MCMBP: variants seen among roughly 807,000 people sequenced by gnomAD.
MCMBP encodes the protein minichromosome maintenance complex binding protein, also known as mini-chromosome maintenance complex-binding protein.
A neutral mutation model predicts 81.3 loss-of-function variants in MCMBP; 31 were observed. That is an observed-to-expected ratio of 0.38 (90% CI 0.29 to 0.51). The LOEUF (loss-of-function observed/expected upper bound fraction) is 0.51, where lower values mean the gene tolerates loss of function less well. Among genes scored for constraint, MCMBP ranks in the 20% least tolerant of loss-of-function variants. The probability of loss-of-function intolerance (pLI) is 0.87; values close to 1 mark genes in which losing one functional copy is unlikely to be tolerated. For synonymous variants in MCMBP, 267 were observed against 275.9 expected (o/e 0.97, Z 0.32); for missense variants, 645 against 772.1 (o/e 0.84, Z 1.95).
At chr10:119,834,269 C>T (rs1484915747) in intron 14 of MCMBP, among the ~76,000 whole-genome samples, 2 of 152,172 alleles carry the variant, frequency 1.3e-5, no homozygotes, top group East Asian at 3.9e-4. Flanking sequence ...AGGATAAACT[C>T]AGAGATCCAC....
chr10:119,844,127 T>C (rs2134357788), intron 8 of MCMBP, among the ~76,000 whole-genome samples: 1 of 152,344 alleles, frequency 6.6e-6, no homozygotes, highest in South Asian at 2.1e-4. Context: ...CCATCTGGTA[T>C]CTATTATTCA....
At chr10:119,833,794 G>T (rs1360982066) in intron 14 of MCMBP, among the ~76,000 whole-genome samples, 2 of 152,040 alleles carry the variant, frequency 1.3e-5, no homozygotes, top group African/African-American at 2.4e-5. Context: ...TAGACAAAAA[G>T]ACTCTAAATT....
chr10:119,863,976 AT>A (rs1853358100), intron 1 of MCMBP, among the ~76,000 whole-genome samples: 1 of 151,750 alleles, frequency 6.6e-6, no homozygotes, highest in South Asian at 2.1e-4. Flanking sequence ...AAGGTAGCAG[AT>A]GGAATTAAGG....
intron 6 of MCMBP, among the ~76,000 whole-genome samples, 184 bp from the exon 7 acceptor site, chr10:119,849,760 CAAAGAT>C (rs1450712533): frequency 3.9e-5 from 6 of 152,092 alleles, no homozygotes; most frequent in Non-Finnish European, 5.9e-5. Context: ...TGTAAGAGGA[CAAAGAT>C]AAACATGAAG....
At chr10:119,847,759 G>C in intron 7 of MCMBP, 46 bp from the exon 8 acceptor site, 1 of 1,155,466 alleles carries the variant, frequency 8.7e-7, no homozygotes. Flanking sequence ...CAGACACAAA[G>C]CTTAAGATAT....
chr10:119,833,810 T>C (rs1460858472), intron 14 of MCMBP, among the ~76,000 whole-genome samples: 2 of 152,122 alleles, frequency 1.3e-5, no homozygotes, highest in Non-Finnish European at 2.9e-5. Flanking sequence ...AAATTGGCTA[T>C]TTTAAACATT....
In MCMBP at chr10:119,831,323, A is replaced by T. The variant is rs1790899727; in HGVS notation, c.*151T>A. ...GGTAAAAGTCCTTACTGAATATCAT[A>T]TAAACATCAGGTGTTACCAGGCTTG... is the stretch of plus-strand genomic sequence containing the variant. On this transcript the variant is annotated 3_prime_UTR_variant, in exon 16 of 16. Coordinates refer to ENST00000369077, the MANE Select transcript of MCMBP (RefSeq NM_001256378.2). 1 of 783,902 alleles carries T rather than the reference A, an allele frequency of 1.3e-6. No homozygotes were observed. The highest frequency in any genetic ancestry group is 1.9e-6 in the Non-Finnish European group (1 of 513,184). The allele number at this position is 783,902 out of a possible 1,614,324, so 48.6% of individuals were successfully genotyped here.
At chr10:119,842,382 A>AG (rs199810621) in intron 10 of MCMBP, 90 bp downstream of exon 10, 1 of 1,444,942 alleles carries the variant, frequency 6.9e-7, no homozygotes, top group Non-Finnish European at 9.4e-7. Context: ...CCCAATAAGG[A>AG]AAACACACAA....
chr10:119,829,944 TAAAG>T lies in MCMBP; in HGVS notation c.*1526_*1529del, dbSNP rs1851941281. 1 of 152,626 alleles carries T rather than the reference TAAAG, an allele frequency of 6.6e-6. No homozygotes were observed. The highest frequency in any genetic ancestry group is 2.4e-5 in the African/African-American group (1 of 41,460). The allele number at this position is 152,626 out of a possible 1,614,324, so 9.5% of individuals were successfully genotyped here. ...CTAATGTACTTTGCTCTAGGACAAT[TAAAG>T]AAAATGTATTTTATCCTCACAAATC... On this transcript the variant is annotated 3_prime_UTR_variant, in exon 16 of 16. Transcript: ENST00000369077.
chr10:119,848,454 A>C (rs1242813073), intron 7 of MCMBP, among the ~76,000 whole-genome samples: 1 of 152,108 alleles, frequency 6.6e-6, no homozygotes, highest in Admixed American at 6.6e-5. Flanking sequence ...TCTACAAAAA[A>C]TATAAAGAAC....
chr10:119,859,664 T>C (rs1434191936), intron 2 of MCMBP, 135 bp downstream of exon 2: 7 of 593,532 alleles, frequency 1.2e-5, no homozygotes, highest in Non-Finnish European at 1.7e-5. Flanking sequence ...CAAAATCTTT[T>C]AATACAAATG....
At chr10:119,863,101 T>C (rs774317676) in intron 1 of MCMBP, among the ~76,000 whole-genome samples, 5 of 152,242 alleles carry the variant, frequency 3.3e-5, no homozygotes, top group Non-Finnish European at 4.4e-5. Context: ...GTATAGCTTG[T>C]CTTTTCATGC....
chr10:119,831,993 A>G lies in MCMBP; in HGVS notation c.1796+19T>C. On this transcript the variant is annotated intron_variant, in intron 15 of 15. Transcript: ENST00000369077. ...ACACAAGCTTACCGAAACAGCAATAATGGACGTGCGCCACTTACCGAGCCA... is the reference window on the plus strand; with the variant it reads ...ACACAAGCTTACCGAAACAGCAATAGTGGACGTGCGCCACTTACCGAGCCA... 3 of 1,598,988 alleles carry G rather than the reference A, an allele frequency of 1.9e-6. No homozygotes were observed. Among genetic ancestry groups the G allele is most frequent in the Non-Finnish European group, 1.7e-6 (2 of 1,173,328 alleles).
intron 1 of MCMBP, among the ~76,000 whole-genome samples, chr10:119,861,235 C>CT (rs1274941515): frequency 6.6e-6 from 1 of 152,172 alleles, no homozygotes; most frequent in Non-Finnish European, 1.5e-5. Context: ...GTTTACTTAA[C>CT]TGGACAAGGG....
chr10:119,853,163 C>T lies in MCMBP; in HGVS notation c.461G>A (p.Ser154Asn). ...ACTAGGAGTGTAGGATGTTGAGGGA[C>T]TGACTCGAGCTTGGTTTGCATTAAC... The part of the protein sequence containing the change: ...AYVNANQARV[S>N]PSTSYTPSRH... Residue 154 changes from serine (S) to asparagine (N), a missense_variant, in exon 6 of 16, where the codon AGT becomes AAT. Coordinates refer to ENST00000369077, the MANE Select transcript of MCMBP (RefSeq NM_001256378.2). 6.2e-7 allele frequency: 1 copy of T among 1,614,044 alleles called. No individual in the cohort carries two copies. Among genetic ancestry groups the T allele is most frequent in the Non-Finnish European group, 8.5e-7 (1 of 1,179,958 alleles).
chr10:119,838,140 C>G (rs1366327853), intron 12 of MCMBP, among the ~76,000 whole-genome samples: 1 of 151,500 alleles, frequency 6.6e-6, no homozygotes, highest in Admixed American at 6.6e-5. Context: ...AGAACCCTTA[C>G]GACCCTCAAC....
upstream of MCMBP, among the ~76,000 whole-genome samples, chr10:119,873,197 G>A (rs1853778419): frequency 6.6e-6 from 1 of 152,182 alleles, no homozygotes; most frequent in Non-Finnish European, 1.5e-5. Flanking sequence ...AAAATTAGTG[G>A]GCGAAACCGC....
chr10:119,869,206 G>T (rs1218119039), intron 1 of MCMBP, among the ~76,000 whole-genome samples: 1 of 152,238 alleles, frequency 6.6e-6, no homozygotes, highest in Admixed American at 6.5e-5. Context: ...AGCACTTTGA[G>T]AGGCCGAGGC....
At chr10:119,842,177 G>A (rs184796160) in intron 10 of MCMBP, among the ~76,000 whole-genome samples, 6 of 152,208 alleles carry the variant, frequency 3.9e-5, no homozygotes, top group Admixed American at 6.5e-5. Context: ...TCCCCACTCC[G>A]GTCCATGGAA....
Sources: gnomAD v4.1 joint callset for allele counts (sites outside exome capture counted in the v4.1 genomes callset) on GRCh38, gnomAD v4.1.1 for gene constraint, MANE v1.5 for transcripts, NCBI Gene and HGNC (gene_info 2026-07-23, HGNC 2026-07-21) for gene names.